Variants in ERAP1 observed in about 807,000 individuals in gnomAD.
The protein encoded by ERAP1 is endoplasmic reticulum aminopeptidase 1.
In ERAP1, 86 loss-of-function variants were observed where a neutral mutation model predicts 103.7. The ratio of observed to expected loss-of-function variants is 0.83; its 90% CI spans 0.70 to 0.99. The LOEUF is 0.99. Ranked by LOEUF, ERAP1 falls within the 50% of genes least tolerant of loss-of-function variation. The probability of loss-of-function intolerance (pLI) is 0.00; values close to 1 mark genes in which losing one functional copy is unlikely to be tolerated. For synonymous variants in ERAP1, 398 were observed against 402.4 expected, an observed-to-expected ratio of 0.99 and a Z score of 0.13; for missense variants, 1,009 against 1,128.4, an observed-to-expected ratio of 0.89 and a Z score of 1.52.
chr5:96,810,959 C>A (rs1779113562), upstream of ERAP1, among the ~76,000 whole-genome samples: 1 of 152,136 alleles, frequency 6.6e-6, no homozygotes, highest in South Asian at 2.1e-4. Flanking sequence ...AGAAAACAGA[C>A]AAAAGCAGGC....
chr5:96,833,455 A>G, the ERAP1 span, among the ~76,000 whole-genome samples: 2 of 152,222 alleles, frequency 1.3e-5, no homozygotes, highest in African/African-American at 4.8e-5. Context: ...TATATTGGTG[A>G]TCAAAATGGT....
rs984476215 is a variant in ERAP1, at chr5:96,774,512, C to T, written c.*1884G>A. 1.0e-6 allele frequency: 1 copy of T among 986,200 alleles called. No individual in the cohort carries two copies. The highest frequency in any genetic ancestry group is 1.2e-6 in the Non-Finnish European group (1 of 829,704). The allele number at this position is 986,200 out of a possible 1,614,324, so 61.1% of individuals were successfully genotyped here. On this transcript the variant is annotated 3_prime_UTR_variant, in exon 19 of 19. Transcript: ENST00000443439. ...GAGGCAAAGAACAATTTTTTATTAT[C>T]AAAAAGGTTTCTGCACATTGTTGTG...
At chr5:96,813,892 G>A in the ERAP1 span, 1 of 178,524 alleles carries the variant, frequency 5.6e-6, no homozygotes, top group Non-Finnish European at 1.2e-5. Context: ...TATGGTATTT[G>A]TTTAGGAAGT....
At chr5:96,813,036 G>A (rs1191364661), upstream of ERAP1, among the ~76,000 whole-genome samples, 2 of 152,122 alleles carry the variant, frequency 1.3e-5, no homozygotes, top group Non-Finnish European at 2.9e-5. Context: ...TGAACTAAGT[G>A]GTGGGAAGTG....
At chr5:96,898,207 T>TAATAAC in the ERAP1 span, among the ~76,000 whole-genome samples, 1 of 151,424 alleles carries the variant, frequency 6.6e-6, no homozygotes, top group Non-Finnish European at 1.5e-5. Context: ...ATAATAATAA[T>TAATAAC]AATAACAATA....
chr5:96,769,242 A>G (rs1294191277), intron 19 of ERAP1: 2 of 152,038 alleles, frequency 1.3e-5, no homozygotes, highest in South Asian at 2.1e-4. Context: ...TTTCTAGACC[A>G]CTTCAGCATC....
In ERAP1 at chr5:96,795,132, T is replaced by C; in HGVS notation, c.829A>G (p.Asn277Asp). 1 of 1,613,888 alleles carries C rather than the reference T, an allele frequency of 6.2e-7. No individual in the cohort carries two copies. Among genetic ancestry groups the C allele is most frequent in the Non-Finnish European group, 8.5e-7 (1 of 1,179,996 alleles). ...VSVYAVPDKI[N>D]QADYALDAAV... ...GCATCCAGTGCATAATCTGCTTGATTTATCTTGTCTGGCACAGCATAAACA... is the reference window on the plus strand; with the variant it reads ...GCATCCAGTGCATAATCTGCTTGATCTATCTTGTCTGGCACAGCATAAACA... The change falls in exon 5 of 19, where the codon AAT becomes GAT. Residue 277 changes from asparagine to aspartate, a missense_variant. Physicochemically the swap from Asn to Asp is conservative, Grantham distance 23. Around this residue, in one of 3 missense-constraint regions of ERAP1, gnomAD observed 392 missense variants for 455.2 expected, o/e 0.86. Coordinates refer to ENST00000443439, the MANE Select transcript of ERAP1 (RefSeq NM_001040458.3).
At chr5:96,881,484 A>AGAG in the ERAP1 span, 3 of 456,072 alleles carry the variant, frequency 6.6e-6, no homozygotes, top group African/African-American at 6.0e-5. Context: ...CTGGGAGGTA[A>AGAG]GAGGAGTCTG....
intron 5 of ERAP1, 109 bp from the exon 6 acceptor site, chr5:96,794,066 A>G (rs191834254): frequency 6.5e-5 from 69 of 1,060,356 alleles, no homozygotes; most frequent in Admixed American, 3.2e-4. Context: ...GTGCATAATC[A>G]TGGAGCTCTA....
At chr5:96,908,338 T>C in the ERAP1 span, among the ~76,000 whole-genome samples, 2 of 152,250 alleles carry the variant, frequency 1.3e-5, no homozygotes, top group Non-Finnish European at 1.5e-5. Flanking sequence ...CAGCATTTTG[T>C]ACTTAGAATA....
chr5:96,896,689 T>C, the ERAP1 span: 5 of 1,528,606 alleles, frequency 3.3e-6, no homozygotes, highest in Non-Finnish European at 4.4e-6. Flanking sequence ...CATACTACCA[T>C]TTTCTTTATC....
chr5:96,882,118 A>G, the ERAP1 span, among the ~76,000 whole-genome samples: 2 of 152,142 alleles, frequency 1.3e-5, no homozygotes, highest in African/African-American at 2.4e-5. Context: ...CCTTGGTGAC[A>G]CTTCCCCTCA....
chr5:96,806,799 C>A (rs1581650732), intron 1 of ERAP1, among the ~76,000 whole-genome samples: 2 of 143,866 alleles, frequency 1.4e-5, no homozygotes, highest in African/African-American at 5.2e-5. Flanking sequence ...ATTTCCTGAA[C>A]AATGAAATTA....
At chr5:96,919,683 A>G in the ERAP1 span, 4 of 152,236 alleles carry the variant, frequency 2.6e-5, no homozygotes, top group Admixed American at 2.6e-4. Context: ...TTTGATAAAT[A>G]AATAGATTTT....
chr5:96,858,801 T>C, the ERAP1 span, among the ~76,000 whole-genome samples: 1 of 152,090 alleles, frequency 6.6e-6, no homozygotes, highest in African/African-American at 2.4e-5. Context: ...TAAAATGTCA[T>C]GTCCAGAATA....
rs761972593 is a variant in ERAP1 at position 96,781,694 on chromosome 5, A to G, written c.2446T>C (p.Trp816Arg). 1.2e-6 allele frequency: 2 copies of G among 1,614,048 alleles called. No individual in the cohort carries two copies. Among genetic ancestry groups the G allele is most frequent in the African/African-American group, 1.3e-5 (1 of 74,944 alleles). The change falls in exon 16 of 19, where the codon TGG becomes CGG. Residue 816 changes from tryptophan to arginine, a missense_variant and splice_region_variant. Around this residue, in one of 3 missense-constraint regions of ERAP1, gnomAD observed 611 missense variants for 651.7 expected, o/e 0.94. Coordinates refer to ENST00000443439, the MANE Select transcript of ERAP1 (RefSeq NM_001040458.3). ...CRTQNKEKLQ[W>R]LLDESFKGDK... ...AACATGAATGAATGACGGACTCACCATTGAAGCTTTTCCTTATTTTGGGTT... is the reference window on the plus strand; with the variant it reads ...AACATGAATGAATGACGGACTCACCGTTGAAGCTTTTCCTTATTTTGGGTT...
the ERAP1 span, among the ~76,000 whole-genome samples, chr5:96,829,099 G>A: frequency 1.3e-5 from 2 of 152,180 alleles, no homozygotes; most frequent in Non-Finnish European, 2.9e-5. Flanking sequence ...GCCCGCCTCG[G>A]CCTCCCAAAG....
intron 7 of ERAP1, 58 bp downstream of exon 7, chr5:96,793,342 G>T (rs1041799460): frequency 2.6e-6 from 3 of 1,143,478 alleles, no homozygotes; most frequent in African/African-American, 1.5e-5. Context: ...ATATTTTCCA[G>T]CAATATTGAA....
Position 96,794,171 on chromosome 5 carries a change from C to CCTTT in ERAP1, c.920-215_920-214insAAAG, listed in dbSNP as rs1343552710. 2.2e-4 allele frequency among the ~76,000 whole-genome samples: 15 copies of CCTTT among 68,738 alleles called. 1 individual carries two copies. The highest frequency in any genetic ancestry group is 1.2e-3 in the Admixed American group (6 of 4,824). The allele number at this position is 68,738 out of a possible 152,430, so 45.1% of individuals were successfully genotyped here. On this transcript the variant is annotated intron_variant, in intron 5 of 18. Transcript: ENST00000443439. ...GCAAAGTCAGACTTGCATCTCAGGC[C>CCTTT]TTTTTTTTTTTTTTTTTTTTTTTTT...
Sources: allele counts gnomAD v4.1 joint callset (sites outside exome capture counted in the v4.1 genomes callset), GRCh38; gene constraint gnomAD v4.1.1; regional missense constraint gnomAD v4.1.1; transcripts MANE v1.5; gene names NCBI Gene and HGNC (gene_info 2026-07-23, HGNC 2026-07-21).